UBXN2A: variants seen among roughly 807,000 people sequenced by gnomAD.
UBXN2A encodes the protein UBX domain protein 2A, also known as UBX domain-containing protein 2A.
In UBXN2A, 28 loss-of-function variants were observed where a neutral mutation model predicts 28.4. The ratio of observed to expected loss-of-function variants is 0.99; its 90% CI spans 0.73 to 1.35. UBXN2A has a LOEUF of 1.35. Among genes scored for constraint, UBXN2A ranks in the 40% most tolerant of loss-of-function variants. UBXN2A has a pLI of 0.00. For synonymous variants in UBXN2A, 97 were observed against 103.6 expected (o/e 0.94, Z 0.39); for missense variants, 253 against 297.9 (o/e 0.85, Z 1.11).
rs760940528 is a variant in UBXN2A, at chr2:23,971,265, A to T, written c.42-11A>T. 1 of 1,531,302 alleles carries T rather than the reference A, an allele frequency of 6.5e-7. No homozygotes were observed. The highest frequency in any genetic ancestry group is 8.8e-7 in the Non-Finnish European group (1 of 1,130,050). The allele number at this position is 1,531,302 out of a possible 1,614,324, so 94.9% of individuals were successfully genotyped here. ...TAGTTAATAGTGCCTGTTTTTCTTT[A>T]TCTTGTTTAGGGTTTGTGAAACAGG... On this transcript the variant is annotated splice_polypyrimidine_tract_variant and intron_variant, in intron 2 of 6. Transcript: ENST00000309033.
intron 4 of UBXN2A, among the ~76,000 whole-genome samples, chr2:23,982,270 G>A (rs1031266976): frequency 7.9e-5 from 12 of 152,034 alleles, no homozygotes; most frequent in Admixed American, 6.6e-5. Context: ...AGGAGGCTGA[G>A]GCAGGAGAAT....
In UBXN2A at chr2:24,004,766, G is replaced by A. The variant is rs191436295; in HGVS notation, c.*4899G>A. The stretch of plus-strand genomic sequence containing the variant: ...TAATCTTATTTTATATACTTCTCTC[G>A]GTATAATTTTTCATGACATTTCAGC... On this transcript the variant is annotated 3_prime_UTR_variant, in exon 7 of 7. Coordinates refer to ENST00000309033, the MANE Select transcript of UBXN2A (RefSeq NM_181713.4). 2.0e-5 allele frequency: 3 copies of A among 151,362 alleles called. No individual in the cohort carries two copies. The highest frequency in any genetic ancestry group is 1.9e-4 in the East Asian group (1 of 5,180). 9.4% of individuals were successfully genotyped at this position (151,362 alleles called of 1,614,324 possible).
rs927232093 is a variant in UBXN2A, at chr2:24,003,367, T to C, written c.*3500T>C. 1 of 152,224 alleles carries C rather than the reference T, an allele frequency of 6.6e-6. No individual in the cohort carries two copies. The highest frequency in any genetic ancestry group is 1.5e-5 in the Non-Finnish European group (1 of 68,046). The allele number at this position is 152,224 out of a possible 1,614,324, so 9.4% of individuals were successfully genotyped here. A position where few individuals can be genotyped will look rare whatever the true frequency, so the allele number is the denominator to read the frequency against. Reference sequence around the variant, plus strand: ...TCACTGAACCAATCATGACATAAACTTGTGCTTTACCTCCTATAGCACAGC... The same window carrying C: ...TCACTGAACCAATCATGACATAAACCTGTGCTTTACCTCCTATAGCACAGC... On this transcript the variant is annotated 3_prime_UTR_variant, in exon 7 of 7. Transcript: ENST00000309033.
In UBXN2A at chr2:23,984,759, A is replaced by G; in HGVS notation, c.512A>G (p.Glu171Gly). The change falls in exon 6 of 7, where the codon GAA becomes GGA. Residue 171 changes from glutamate to glycine, a missense_variant. Transcript: ENST00000309033. ...NLSAVPLNNL[E>G]PITNIQIWLA... The stretch of plus-strand genomic sequence containing the variant: ...TCTGCTGTTCCACTGAACAACTTGG[A>G]ACCCATTACTAATATACAGATCTGG... The G allele has an allele frequency of 6.4e-7, 1 of 1,574,100 alleles. No homozygotes were observed. Among genetic ancestry groups the G allele is most frequent in the Non-Finnish European group, 8.6e-7 (1 of 1,168,662 alleles).
intron 1 of UBXN2A, among the ~76,000 whole-genome samples, chr2:23,952,569 T>A (rs1706426123): frequency 6.6e-6 from 1 of 152,138 alleles, no homozygotes; most frequent in Admixed American, 6.6e-5. Context: ...CTCAGCCTCC[T>A]GAGTAGCTGG....
At chr2:23,952,059 T>A (rs1393103405) in intron 1 of UBXN2A, among the ~76,000 whole-genome samples, 2 of 150,270 alleles carry the variant, frequency 1.3e-5, no homozygotes, top group Non-Finnish European at 3.0e-5. Flanking sequence ...TTCTGCCTCC[T>A]GTGTTCAAGC....
chr2:23,952,430 A>G (rs1706418994), intron 1 of UBXN2A, among the ~76,000 whole-genome samples: 1 of 151,610 alleles, frequency 6.6e-6, no homozygotes, highest in Admixed American at 6.6e-5. Context: ...TGCCGGGCTA[A>G]TTTATTTTTT....
upstream of UBXN2A, among the ~76,000 whole-genome samples, chr2:23,936,808 T>C (rs1312425340): frequency 6.6e-6 from 1 of 152,080 alleles, no homozygotes; most frequent in East Asian, 1.9e-4. Flanking sequence ...CCTCCTGGGT[T>C]CAAGCAATTC....
chr2:23,975,302 T>G (rs1707609319), intron 3 of UBXN2A, among the ~76,000 whole-genome samples: 1 of 152,202 alleles, frequency 6.6e-6, no homozygotes, highest in South Asian at 2.1e-4. Context: ...GAGATACTAC[T>G]ACTACTTATT....
rs565724314 is a variant in UBXN2A at position 23,931,701 on chromosome 2, T to C, written c.-138+4086T>C. 6.6e-5 allele frequency among the ~76,000 whole-genome samples: 10 copies of C among 152,212 alleles called. No homozygotes were observed. The South Asian group carries it at 1.9e-3, about 28-fold the overall frequency. ...ATGCATTTGCTCAACCCCAGTGAATTTGACCTTTTCTCTGCGTGAAGAAAT... is the reference window on the plus strand; with the variant it reads ...ATGCATTTGCTCAACCCCAGTGAATCTGACCTTTTCTCTGCGTGAAGAAAT... On this transcript the variant is annotated intron_variant, in intron 1 of 7. Coordinates refer to the UBXN2A transcript ENST00000404924.
intron 1 of UBXN2A, among the ~76,000 whole-genome samples, chr2:23,941,156 G>C (rs991787848): frequency 6.6e-6 from 1 of 151,512 alleles, no homozygotes; most frequent in African/African-American, 2.4e-5. Flanking sequence ...TTCGCTGCCA[G>C]TAATAAAAGA....
chr2:23,971,415 G>A lies in UBXN2A; in HGVS notation c.180+1G>A, dbSNP rs1418325994. On this transcript the variant is annotated splice_donor_variant, in intron 3 of 6. Coordinates refer to ENST00000309033, the MANE Select transcript of UBXN2A (RefSeq NM_181713.4). LOFTEE classifies it high-confidence loss of function. ...GTCTCCCGCTGAACAGAAGAAACAGGTAAATAAATGTCTATTACTTTTCTT... is the reference window on the plus strand; with the variant it reads ...GTCTCCCGCTGAACAGAAGAAACAGATAAATAAATGTCTATTACTTTTCTT... The A allele has an allele frequency of 1.3e-6, 2 of 1,530,908 alleles. No homozygotes were observed. The highest frequency in any genetic ancestry group is 1.8e-6 in the Non-Finnish European group (2 of 1,128,546). The allele number at this position is 1,530,908 out of a possible 1,614,324, so 94.8% of individuals were successfully genotyped here. A position where few individuals can be genotyped will look rare whatever the true frequency, so the allele number is the denominator to read the frequency against.
intron 1 of UBXN2A, chr2:23,944,481 C>A: frequency 1.5e-6 from 1 of 655,192 alleles, no homozygotes; most frequent in Non-Finnish European, 2.8e-6. Context: ...TTTCAGATCC[C>A]CTTGGAACAG....
At chr2:23,989,103 T>G (rs1376830571) in intron 6 of UBXN2A, among the ~76,000 whole-genome samples, 2 of 152,052 alleles carry the variant, frequency 1.3e-5, no homozygotes, top group African/African-American at 4.8e-5. Context: ...ATTGTTTGTG[T>G]GCACACGCAC....
At chr2:23,955,652 T>A (rs1351696159) in intron 1 of UBXN2A, among the ~76,000 whole-genome samples, 1 of 152,212 alleles carries the variant, frequency 6.6e-6, no homozygotes, top group Non-Finnish European at 1.5e-5. Context: ...GCTCCTAGGC[T>A]ACAAACCTGT....
intron 2 of UBXN2A, among the ~76,000 whole-genome samples, chr2:23,968,086 G>A (rs1241576978): frequency 2.0e-5 from 3 of 152,180 alleles, no homozygotes; most frequent in Non-Finnish European, 4.4e-5. Flanking sequence ...GCACCACCAC[G>A]CCAAGGCTCA....
intron 2 of UBXN2A, among the ~76,000 whole-genome samples, chr2:23,960,348 T>C (rs1706845342): frequency 6.6e-6 from 1 of 152,210 alleles, no homozygotes; most frequent in Non-Finnish European, 1.5e-5. Flanking sequence ...CAATCAGATC[T>C]GCTATATTAA....
Position 24,004,229 on chromosome 2 carries a change from AAAAC to A in UBXN2A, c.*4369_*4372del, listed in dbSNP as rs1394385077. The A allele has an allele frequency of 2.9e-5, 2 of 67,894 alleles. No individual in the cohort carries two copies. Among genetic ancestry groups the A allele is most frequent in the African/African-American group, 8.3e-5 (2 of 24,136 alleles). 4.2% of individuals were successfully genotyped at this position (67,894 alleles called of 1,614,324 possible). ...AATTATCAAAAGAGGTTGACTTTGGAAAACAAACAATTTGCTAAGGGAAGGAAAA... is the reference window on the plus strand; with the variant it reads ...AATTATCAAAAGAGGTTGACTTTGGAAAACAATTTGCTAAGGGAAGGAAAA... On this transcript the variant is annotated 3_prime_UTR_variant, in exon 7 of 7. Transcript: ENST00000309033.
chr2:23,953,179 T>C (rs1706456321), intron 1 of UBXN2A, among the ~76,000 whole-genome samples: 1 of 152,168 alleles, frequency 6.6e-6, no homozygotes, highest in African/African-American at 2.4e-5. Context: ...GCAAAAGTAC[T>C]GCCTTTTAAA....
Sources: allele counts gnomAD v4.1 joint callset (sites outside exome capture counted in the v4.1 genomes callset), GRCh38; gene constraint gnomAD v4.1.1; transcripts MANE v1.5; gene names NCBI Gene and HGNC (gene_info 2026-07-23, HGNC 2026-07-21).